Variants in TUB observed in about 807,000 individuals in gnomAD.
The protein encoded by TUB is TUB bipartite transcription factor.
TUB carries 33 observed loss-of-function variants against 59.7 expected under a neutral mutation model. The ratio of observed to expected loss-of-function variants is 0.55; its 90% CI spans 0.42 to 0.74. The LOEUF is 0.74. TUB is among the 30% of genes least tolerant of loss of function. TUB has a pLI of 0.00. For missense variants in TUB, 659 were observed against 672.0 expected, an observed-to-expected ratio of 0.98 and a Z score of 0.21; for synonymous variants, 293 against 256.4, an observed-to-expected ratio of 1.14 and a Z score of -1.36.
intron 2 of TUB, among the ~76,000 whole-genome samples, chr11:8,066,962 C>T (rs1374522517): frequency 1.3e-5 from 2 of 152,220 alleles, no homozygotes; most frequent in East Asian, 3.8e-4. Flanking sequence ...CACATTCACA[C>T]ACACAGCCAT....
At position 8,049,474 on chromosome 11, in the gene TUB, C is replaced by G. The variant is rs552325967; in HGVS notation, c.203+9782C>G. 2.0e-5 allele frequency among the ~76,000 whole-genome samples: 3 copies of G among 151,882 alleles called. No homozygotes were observed. The East Asian group carries it at 5.8e-4, about 29-fold the overall frequency. On this transcript the variant is annotated intron_variant, in intron 2 of 12. Transcript: ENST00000305253. Reference sequence around the variant, plus strand: ...CACTGGCCGAGGCCCAGCAAAGAGACAATGCATACCCCTCAGGAAAAGAAG... The same window carrying G: ...CACTGGCCGAGGCCCAGCAAAGAGAGAATGCATACCCCTCAGGAAAAGAAG...
At chr11:8,100,451 C>T in intron 9 of TUB, 52 bp from the exon 10 acceptor site, 1 of 1,440,596 alleles carries the variant, frequency 6.9e-7, no homozygotes, top group Non-Finnish European at 9.7e-7. Context: ...CCCACCTTCT[C>T]CAGTAGGTAA....
chr11:8,051,216 T>A (rs1045300085), intron 2 of TUB, among the ~76,000 whole-genome samples: 3 of 152,258 alleles, frequency 2.0e-5, no homozygotes, highest in African/African-American at 4.8e-5. Context: ...TATGAGTTTG[T>A]TCACAAGTGG....
At chr11:8,053,564 G>C (rs530297492) in intron 2 of TUB, among the ~76,000 whole-genome samples, 1 of 151,666 alleles carries the variant, frequency 6.6e-6, no homozygotes, top group East Asian at 2.0e-4. Context: ...GCAGTTGCAC[G>C]ATCTCGGCTC....
chr11:8,059,649 T>C (rs1298784599), intron 2 of TUB, among the ~76,000 whole-genome samples: 1 of 151,472 alleles, frequency 6.6e-6, no homozygotes, highest in South Asian at 2.1e-4. Context: ...AGTTTAGGAG[T>C]GGCTGGAGCT....
chr11:8,069,877 CAA>C, intron 2 of TUB, among the ~76,000 whole-genome samples: 1 of 151,898 alleles, frequency 6.6e-6, no homozygotes, highest in East Asian at 1.9e-4. Context: ...GAGAAACAGG[CAA>C]AAAAGAGAGT....
At chr11:8,049,586 G>T (rs78725703) in intron 2 of TUB, among the ~76,000 whole-genome samples, 14,256 of 113,844 alleles carry the variant, frequency 0.13, 1,165 homozygotes, top group African/African-American at 0.17. Flanking sequence ...TATATAGATA[G>T]ATAGATAGAT....
At position 8,101,832 on chromosome 11, in the gene TUB, AGGGAT is replaced by A; in HGVS notation, c.*215_*219del. ...GTGGAGAGCGGGTGGGTGGGTGTGA[AGGGAT>A]GAGAATAATTCTTTCCATGCCACGA... On this transcript the variant is annotated 3_prime_UTR_variant, in exon 12 of 12. Coordinates refer to ENST00000299506, the MANE Select transcript of TUB (RefSeq NM_177972.3). 3.1e-5 allele frequency: 22 copies of A among 706,588 alleles called. No individual in the cohort carries two copies. The highest frequency in any genetic ancestry group is 2.2e-4 in the South Asian group (11 of 50,256). The allele number at this position is 706,588 out of a possible 1,614,324, so 43.8% of individuals were successfully genotyped here.
chr11:8,069,661 C>T (rs1943322891), intron 2 of TUB, among the ~76,000 whole-genome samples: 2 of 152,074 alleles, frequency 1.3e-5, no homozygotes, highest in African/African-American at 2.4e-5. Context: ...AATGTCTTTG[C>T]TTTTCTTACC....
At chr11:8,036,605 T>C (rs1002016375), upstream of TUB, among the ~76,000 whole-genome samples, 8 of 152,122 alleles carry the variant, frequency 5.3e-5, no homozygotes, top group Non-Finnish European at 1.0e-4. Flanking sequence ...ACTACAAAGA[T>C]GGAGGGACCG....
intron 1 of TUB, among the ~76,000 whole-genome samples, chr11:8,024,164 A>G (rs1366785492): frequency 6.6e-6 from 1 of 152,130 alleles, no homozygotes; most frequent in Non-Finnish European, 1.5e-5. Context: ...CTTGTATTAC[A>G]TGGTAGATTA....
chr11:8,041,842 G>A (rs2133735420), intron 2 of TUB, among the ~76,000 whole-genome samples: 1 of 152,230 alleles, frequency 6.6e-6, no homozygotes, highest in South Asian at 2.1e-4. Flanking sequence ...GGTGTGGGGG[G>A]AATTCCTTCG....
chr11:8,095,042 A>G (rs113572527), intron 4 of TUB, among the ~76,000 whole-genome samples: 5,275 of 152,278 alleles, frequency 0.035, 290 homozygotes, highest in African/African-American at 0.12. Flanking sequence ...CAAGGGGCCC[A>G]CGTTTTTAAT....
At chr11:8,055,050 C>G (rs1373407451) in intron 2 of TUB, among the ~76,000 whole-genome samples, 1 of 152,184 alleles carries the variant, frequency 6.6e-6, no homozygotes, top group Non-Finnish European at 1.5e-5. Context: ...CCTGGAAACC[C>G]CCTCAGCTAG....
chr11:8,028,491 G>T (rs893476497), intron 1 of TUB, among the ~76,000 whole-genome samples: 4 of 152,160 alleles, frequency 2.6e-5, no homozygotes, highest in African/African-American at 4.8e-5. Flanking sequence ...TCATATCTAA[G>T]AATCCATTGC....
chr11:8,074,882 G>A (rs542961521), intron 2 of TUB, among the ~76,000 whole-genome samples: 84 of 150,102 alleles, frequency 5.6e-4, no homozygotes, highest in Non-Finnish European at 1.0e-3. Context: ...AAGTAGCTGG[G>A]ATTACAGGTG....
intron 1 of TUB, among the ~76,000 whole-genome samples, chr11:8,084,065 A>G (rs1943621930): frequency 1.3e-5 from 2 of 152,178 alleles, no homozygotes; most frequent in African/African-American, 4.8e-5. Context: ...GGTGGCATGC[A>G]CGTGCTTTGA....
chr11:8,073,579 T>C (rs564666203), intron 2 of TUB, among the ~76,000 whole-genome samples: 4 of 152,184 alleles, frequency 2.6e-5, no homozygotes, highest in Non-Finnish European at 5.9e-5. Context: ...TCTGCATTTA[T>C]GAATAAATGA....
Position 8,104,789 on chromosome 11 carries a change from G to C in TUB, c.*3170G>C, listed in dbSNP as rs574293152. 3.3e-5 allele frequency: 5 copies of C among 152,294 alleles called. No individual in the cohort carries two copies. Among genetic ancestry groups the C allele is most frequent in the African/African-American group, 1.2e-4 (5 of 41,576 alleles). 9.4% of individuals were successfully genotyped at this position (152,294 alleles called of 1,614,324 possible). ...CCTTAAAAATCAAGACACTAGTTCAGAGGAAGCACATAATGTCCAGATCTA... is the reference window on the plus strand; with the variant it reads ...CCTTAAAAATCAAGACACTAGTTCACAGGAAGCACATAATGTCCAGATCTA... On this transcript the variant is annotated 3_prime_UTR_variant, in exon 12 of 12. Coordinates refer to ENST00000299506, the MANE Select transcript of TUB (RefSeq NM_177972.3).
Sources: allele counts gnomAD v4.1 joint callset (sites outside exome capture counted in the v4.1 genomes callset), GRCh38; gene constraint gnomAD v4.1.1; transcripts MANE v1.5; gene names NCBI Gene and HGNC (gene_info 2026-07-23, HGNC 2026-07-21).